MYO16: variants seen among roughly 807,000 people sequenced by gnomAD.
MYO16 encodes myosin XVI.
MYO16 carries 94 observed loss-of-function variants against 205.3 expected under a neutral mutation model. The ratio of observed to expected loss-of-function variants is 0.46; its 90% CI spans 0.39 to 0.54. The LOEUF (loss-of-function observed/expected upper bound fraction) is 0.54. Ranked by LOEUF, MYO16 falls within the 20% of genes least tolerant of loss-of-function variation. The pLI is 0.00. For synonymous variants in MYO16, 988 were observed against 954.0 expected, an observed-to-expected ratio of 1.04 and a Z score of -0.66; for missense variants, 2,315 against 2,387.5, an observed-to-expected ratio of 0.97 and a Z score of 0.63.
chr13:108,559,603 A>G, the MYO16 span, among the ~76,000 whole-genome samples: 1 of 149,216 alleles, frequency 6.7e-6, no homozygotes, highest in Non-Finnish European at 1.5e-5. Context: ...CCTCCCGAGT[A>G]GCTGGGACTA....
intron 2 of MYO16, among the ~76,000 whole-genome samples, chr13:108,669,046 T>C (rs1428441208): frequency 6.6e-6 from 1 of 151,972 alleles, no homozygotes; most frequent in African/African-American, 2.4e-5. Flanking sequence ...TGAAAACTCA[T>C]GAGCATATAG....
chr13:108,754,899 G>C (rs1050632791), intron 4 of MYO16, among the ~76,000 whole-genome samples: 2 of 152,098 alleles, frequency 1.3e-5, no homozygotes. Context: ...ACATTCCTGT[G>C]TTAGGAAAAC....
intron 7 of MYO16, among the ~76,000 whole-genome samples, chr13:108,817,086 G>C (rs926121630): frequency 2.6e-5 from 4 of 151,920 alleles, no homozygotes; most frequent in African/African-American, 9.7e-5. Flanking sequence ...AAAATTGCCA[G>C]TGAGGATAAA....
At chr13:109,012,142 A>C (rs1433306668) in intron 22 of MYO16, among the ~76,000 whole-genome samples, 1 of 152,164 alleles carries the variant, frequency 6.6e-6, no homozygotes. Flanking sequence ...CAAAAACTAA[A>C]CTTTCCTAGG....
At chr13:108,687,530 C>A (rs542588848) in intron 2 of MYO16, among the ~76,000 whole-genome samples, 1 of 152,142 alleles carries the variant, frequency 6.6e-6, no homozygotes, top group Non-Finnish European at 1.5e-5. Context: ...GGGTTCTGCT[C>A]TGCATTCATT....
chr13:108,708,534 C>T (rs1883602070), intron 2 of MYO16, among the ~76,000 whole-genome samples: 1 of 152,216 alleles, frequency 6.6e-6, no homozygotes, highest in South Asian at 2.1e-4. Context: ...TTACCAATTG[C>T]TAACTTCTTA....
chr13:108,866,124 T>A (rs1878700275), intron 11 of MYO16, 53 bp from the exon 12 acceptor site: 6 of 1,128,732 alleles, frequency 5.3e-6, no homozygotes. Context: ...TTTTTATTGT[T>A]TAAAGATGCT....
rs191398551 is a variant in MYO16, at chr13:108,713,684, C to A, written c.363+953C>A. Reference sequence around the variant, plus strand: ...TGCATGAAAGAGAAACTGGTGTATACCAAAGGCTCAAGAGATCTGGAATGC... The same window carrying A: ...TGCATGAAAGAGAAACTGGTGTATAACAAAGGCTCAAGAGATCTGGAATGC... On this transcript the variant is annotated intron_variant, in intron 3 of 34. Coordinates refer to ENST00000457511, the MANE Select transcript of MYO16 (RefSeq NM_001198950.3). Among the ~76,000 whole-genome samples the A allele has an allele frequency of 3.5e-3, 531 of 152,154 alleles. 1 individual carries two copies. Among genetic ancestry groups the A allele is most frequent in the African/African-American group, 0.012 (502 of 41,492 alleles).
intron 4 of MYO16, among the ~76,000 whole-genome samples, chr13:108,733,106 G>A (rs2139595361): frequency 6.6e-6 from 1 of 152,282 alleles, no homozygotes; most frequent in Admixed American, 6.5e-5. Flanking sequence ...TTTGTGAGGT[G>A]ATTTATTCTG....
At chr13:108,950,294 G>A (rs553531502) in intron 16 of MYO16, among the ~76,000 whole-genome samples, 40 of 152,084 alleles carry the variant, frequency 2.6e-4, no homozygotes, top group African/African-American at 8.7e-4. Flanking sequence ...TCCAACAAAG[G>A]ACTAATATTT....
At chr13:108,875,801 G>T (rs945714512) in intron 12 of MYO16, among the ~76,000 whole-genome samples, 3 of 152,052 alleles carry the variant, frequency 2.0e-5, no homozygotes, top group South Asian at 2.1e-4. Context: ...TTGACCCCAG[G>T]GGGTGGAGTC....
At chr13:108,976,336 T>C (rs527550930) in intron 20 of MYO16, among the ~76,000 whole-genome samples, 2 of 152,310 alleles carry the variant, frequency 1.3e-5, no homozygotes, top group East Asian at 1.9e-4. Context: ...ACAGGAGATA[T>C]AATCTATTTT....
At chr13:108,982,596 G>A (rs538465997) in intron 20 of MYO16, among the ~76,000 whole-genome samples, 2 of 152,132 alleles carry the variant, frequency 1.3e-5, no homozygotes, top group Non-Finnish European at 2.9e-5. Flanking sequence ...CTTTTAATTG[G>A]GTTTTAATTT....
chr13:108,711,383 G>T (rs980412179), intron 2 of MYO16, among the ~76,000 whole-genome samples: 12 of 152,236 alleles, frequency 7.9e-5, no homozygotes, highest in African/African-American at 2.4e-4. Flanking sequence ...TCAAAGGAAA[G>T]TCCCTTGGCA....
At chr13:108,898,738 A>G (rs1167274579) in intron 15 of MYO16, among the ~76,000 whole-genome samples, 3 of 152,166 alleles carry the variant, frequency 2.0e-5, no homozygotes, top group African/African-American at 7.2e-5. Context: ...ATTTGATTTA[A>G]ATACTTAAAG....
At chr13:108,536,813 T>G in the MYO16 span, among the ~76,000 whole-genome samples, 1 of 151,982 alleles carries the variant, frequency 6.6e-6, no homozygotes, top group Non-Finnish European at 1.5e-5. Context: ...ATTATAAAAA[T>G]GGAGGAAGTA....
intron 34 of MYO16, among the ~76,000 whole-genome samples, chr13:109,193,817 C>T (rs1594176252): frequency 6.6e-6 from 1 of 152,136 alleles, no homozygotes; most frequent in South Asian, 2.1e-4. Context: ...CTGTCAAATC[C>T]TATACCCGTA....
chr13:108,691,126 A>G (rs1467697866), intron 2 of MYO16, among the ~76,000 whole-genome samples: 1 of 152,094 alleles, frequency 6.6e-6, no homozygotes, highest in Non-Finnish European at 1.5e-5. Flanking sequence ...TCAGCCTCAA[A>G]TCTTCACAGC....
At chr13:109,178,644 G>T (rs941030041) in intron 33 of MYO16, among the ~76,000 whole-genome samples, 9 of 152,138 alleles carry the variant, frequency 5.9e-5, no homozygotes, top group African/African-American at 1.9e-4. Flanking sequence ...GTCACTTGCG[G>T]TGATGCATTG....
Sources: allele counts gnomAD v4.1 joint callset (sites outside exome capture counted in the v4.1 genomes callset), GRCh38; gene constraint gnomAD v4.1.1; transcripts MANE v1.5; gene names NCBI Gene and HGNC (gene_info 2026-07-23, HGNC 2026-07-21).